EHBP1: variants seen among roughly 807,000 people sequenced by gnomAD.
The protein encoded by EHBP1 is EH domain-binding protein 1.
Under a neutral mutation model 144.0 loss-of-function variants are expected in EHBP1, and 55 were observed. That is an observed-to-expected ratio of 0.38 (90% CI 0.31 to 0.48). The LOEUF (loss-of-function observed/expected upper bound fraction) is 0.48, where lower values mean the gene tolerates loss of function less well. EHBP1 is among the 20% of genes least tolerant of loss of function. The pLI, the probability that EHBP1 is intolerant of heterozygous loss-of-function variation, is 0.98. For missense variants in EHBP1, 1,200 were observed against 1,364.2 expected (o/e 0.88, Z 1.90); for synonymous variants, 469 against 472.7 (o/e 0.99, Z 0.10).
At position 62,861,239 on chromosome 2, in the gene EHBP1, C is replaced by T. The variant is rs2049511931; in HGVS notation, c.757+1948C>T. Among the ~76,000 whole-genome samples, 3 of 149,432 alleles carry T rather than the reference C, an allele frequency of 2.0e-5. No individual in the cohort carries two copies. The South Asian group carries it at 6.4e-4, about 32-fold the overall frequency. ...CCAACTCTCGGGTTCAAGCGTTTCT[C>T]CTGCCTCAGCCTCCCGAGTAGCCTG... On this transcript the variant is annotated intron_variant, in intron 8 of 22. Coordinates refer to ENST00000431489, the MANE Select transcript of EHBP1 (RefSeq NM_001142616.3).
chr2:62,827,673 T>TATG (rs1476759940), intron 6 of EHBP1, among the ~76,000 whole-genome samples: 2 of 149,098 alleles, frequency 1.3e-5, no homozygotes, highest in Admixed American at 6.7e-5. Context: ...CAAGTTAACT[T>TATG]TTTTTTTTTT....
At chr2:62,970,744 A>G (rs1000685093) in intron 14 of EHBP1, among the ~76,000 whole-genome samples, 2 of 152,116 alleles carry the variant, frequency 1.3e-5, no homozygotes, top group East Asian at 3.9e-4. Context: ...AAAGTTGGGG[A>G]TTGGAGAAGC....
At chr2:62,707,327 G>A (rs2034689062) in intron 2 of EHBP1, 32 bp downstream of exon 2, 1 of 1,535,214 alleles carries the variant, frequency 6.5e-7, no homozygotes, top group Non-Finnish European at 9.0e-7. Flanking sequence ...ATTTTGCTGT[G>A]CTGTGGCCTA....
chr2:62,999,485 C>A (rs1302506336), intron 19 of EHBP1, among the ~76,000 whole-genome samples: 2 of 152,174 alleles, frequency 1.3e-5, no homozygotes, highest in Non-Finnish European at 2.9e-5. Flanking sequence ...CAATAACTTT[C>A]TATTTCCTTC....
chr2:62,841,170 G>A (rs1474776338), intron 7 of EHBP1, among the ~76,000 whole-genome samples: 5 of 152,128 alleles, frequency 3.3e-5, no homozygotes, highest in African/African-American at 7.2e-5. Context: ...ATAAAAAAGG[G>A]TGAGTTCATG....
intron 3 of EHBP1, 129 bp downstream of exon 3, chr2:62,747,581 A>C: frequency 1.4e-6 from 1 of 736,296 alleles, no homozygotes; most frequent in Non-Finnish European, 2.3e-6. Flanking sequence ...TCTACTGAAA[A>C]TGGATTGATC....
chr2:62,834,074 A>G (rs2047028214), intron 7 of EHBP1, among the ~76,000 whole-genome samples: 1 of 152,380 alleles, frequency 6.6e-6, no homozygotes, highest in South Asian at 2.1e-4. Context: ...AATTGCTGCA[A>G]TCGCATGATA....
chr2:62,709,358 C>G (rs894161780), intron 2 of EHBP1, among the ~76,000 whole-genome samples: 1 of 150,836 alleles, frequency 6.6e-6, no homozygotes, highest in African/African-American at 2.5e-5. Context: ...TGGAGAAGGT[C>G]GTGATTATAG....
intron 21 of EHBP1, among the ~76,000 whole-genome samples, chr2:63,040,262 T>C (rs2061603559): frequency 6.6e-6 from 1 of 151,858 alleles, no homozygotes; most frequent in South Asian, 2.1e-4. Context: ...CAGAATATTC[T>C]TTACATTTTT....
At chr2:62,708,955 CATGTT>C (rs1335593403) in intron 2 of EHBP1, among the ~76,000 whole-genome samples, 5 of 152,048 alleles carry the variant, frequency 3.3e-5, no homozygotes, top group African/African-American at 1.2e-4. Flanking sequence ...GGACTGAAAG[CATGTT>C]AAGTTATGTG....
chr2:62,736,966 T>G (rs1216623430), intron 2 of EHBP1, among the ~76,000 whole-genome samples: 1 of 152,208 alleles, frequency 6.6e-6, no homozygotes, highest in Non-Finnish European at 1.5e-5. Context: ...CCTTTAGTGA[T>G]TCAGTAAGGA....
intron 19 of EHBP1, among the ~76,000 whole-genome samples, chr2:63,015,865 AG>A (rs1321186704): frequency 6.6e-6 from 1 of 152,208 alleles, no homozygotes; most frequent in Non-Finnish European, 1.5e-5. Context: ...AAAGTTTTCT[AG>A]GTTATTAAAG....
intron 10 of EHBP1, among the ~76,000 whole-genome samples, chr2:62,899,018 G>T (rs2053180878): frequency 6.6e-6 from 1 of 152,232 alleles, no homozygotes; most frequent in African/African-American, 2.4e-5. Context: ...CTGGTGAAGT[G>T]TTCATTACAT....
chr2:62,956,995 A>T (rs1371966483), intron 14 of EHBP1, among the ~76,000 whole-genome samples: 5 of 152,218 alleles, frequency 3.3e-5, no homozygotes, highest in African/African-American at 1.2e-4. Flanking sequence ...TGGCATTCTT[A>T]TGATCTAGCT....
chr2:62,925,716 C>CAA (rs2055452213), intron 10 of EHBP1, among the ~76,000 whole-genome samples: 1 of 151,928 alleles, frequency 6.6e-6, no homozygotes, highest in Non-Finnish European at 1.5e-5. Context: ...GTGAAAGACT[C>CAA]TACATGGAAA....
At chr2:62,720,462 A>G (rs2036122574) in intron 2 of EHBP1, among the ~76,000 whole-genome samples, 1 of 152,042 alleles carries the variant, frequency 6.6e-6, no homozygotes, top group South Asian at 2.1e-4. Flanking sequence ...GTTTCTCTCA[A>G]ATTTTATCTT....
intron 10 of EHBP1, among the ~76,000 whole-genome samples, chr2:62,926,469 CTG>C (rs1452449615): frequency 6.6e-6 from 1 of 152,048 alleles, no homozygotes; most frequent in African/African-American, 2.4e-5. Flanking sequence ...ATAAAAGAAA[CTG>C]AAACATCCCA....
chr2:63,009,764 G>C (rs1363599853), intron 19 of EHBP1, among the ~76,000 whole-genome samples: 4 of 151,402 alleles, frequency 2.6e-5, no homozygotes, highest in African/African-American at 9.7e-5. Context: ...ATCCTCAGGG[G>C]ATCCCCAGTG....
At chr2:63,022,871 A>AT (rs1005794936) in intron 19 of EHBP1, among the ~76,000 whole-genome samples, 11 of 152,080 alleles carry the variant, frequency 7.2e-5, no homozygotes, top group African/African-American at 2.2e-4. Flanking sequence ...GTTGATACCT[A>AT]TTTTTTTTAA....
Sources: allele counts gnomAD v4.1 joint callset (sites outside exome capture counted in the v4.1 genomes callset), GRCh38; gene constraint gnomAD v4.1.1; transcripts MANE v1.5; gene names NCBI Gene and HGNC (gene_info 2026-07-23, HGNC 2026-07-21).